Variants in RERE observed in about 807,000 individuals in gnomAD.
RERE encodes arginine-glutamic acid dipeptide repeats, also known as arginine-glutamic acid dipeptide repeats protein.
Under a neutral mutation model 146.1 loss-of-function variants are expected in RERE, and 40 were observed. The ratio of observed to expected loss-of-function variants is 0.27; its 90% CI spans 0.21 to 0.36. The LOEUF (loss-of-function observed/expected upper bound fraction) is 0.36, where lower values mean the gene tolerates loss of function less well. RERE is among the 10% of genes least tolerant of loss of function. The pLI, the probability that RERE is intolerant of heterozygous loss-of-function variation, is 1.00. For missense variants in RERE, 1,933 were observed against 2,138.7 expected, an observed-to-expected ratio of 0.90 and a Z score of 1.90; for synonymous variants, 1,003 against 866.0, an observed-to-expected ratio of 1.16 and a Z score of -2.78.
chr1:8,809,127 G>A (rs1284794606), intron 1 of RERE, among the ~76,000 whole-genome samples: 2 of 124,990 alleles, frequency 1.6e-5, no homozygotes, highest in Non-Finnish European at 3.1e-5. Flanking sequence ...GACAGAGCGA[G>A]ACTTTGTCTT....
chr1:8,654,637 TTTG>T (rs1557460557), intron 2 of RERE, among the ~76,000 whole-genome samples: 1 of 145,544 alleles, frequency 6.9e-6, no homozygotes, highest in African/African-American at 2.5e-5. Flanking sequence ...TTTGTTTTTT[TTTG>T]TTTTTTTTTT....
chr1:8,590,013 C>T (rs1183083419), intron 4 of RERE, among the ~76,000 whole-genome samples: 1 of 152,122 alleles, frequency 6.6e-6, no homozygotes, highest in Non-Finnish European at 1.5e-5. Context: ...TTTTGCCCTG[C>T]TGTTTAGTGC....
At chr1:8,357,334 G>A (rs1641334298) in intron 20 of RERE, among the ~76,000 whole-genome samples, 1 of 152,240 alleles carries the variant, frequency 6.6e-6, no homozygotes, top group Non-Finnish European at 1.5e-5. Context: ...CTTCAGATAT[G>A]AGGACGGCAA....
intron 1 of RERE, among the ~76,000 whole-genome samples, chr1:8,727,162 G>C (rs926276033): frequency 3.4e-5 from 5 of 148,630 alleles, no homozygotes; most frequent in Non-Finnish European, 7.5e-5. Flanking sequence ...GGGGTGGGGG[G>C]AAAGGAGTCT....
intron 4 of RERE, among the ~76,000 whole-genome samples, chr1:8,603,570 A>G (rs1646660060): frequency 6.6e-6 from 1 of 152,354 alleles, no homozygotes; most frequent in Admixed American, 6.5e-5. Flanking sequence ...TTGGTTTGAA[A>G]TTAATTTATA....
At chr1:8,697,624 C>T (rs947602843) in intron 1 of RERE, among the ~76,000 whole-genome samples, 5 of 152,278 alleles carry the variant, frequency 3.3e-5, no homozygotes, top group South Asian at 4.1e-4. Context: ...CTCCTGACCT[C>T]GTGATCCGCC....
intron 3 of RERE, among the ~76,000 whole-genome samples, chr1:8,620,514 T>C (rs574332496): frequency 1.3e-5 from 2 of 152,300 alleles, no homozygotes; most frequent in Admixed American, 1.3e-4. Flanking sequence ...TATTCACCTT[T>C]CCCCTCTACT....
At chr1:8,517,003 T>C (rs1645428595) in intron 7 of RERE, among the ~76,000 whole-genome samples, 1 of 152,142 alleles carries the variant, frequency 6.6e-6, no homozygotes, top group East Asian at 1.9e-4. Context: ...TAGTGATGGA[T>C]AGCTCTGTCT....
intron 7 of RERE, among the ~76,000 whole-genome samples, chr1:8,517,622 G>A (rs1645437368): frequency 1.3e-5 from 2 of 151,998 alleles, no homozygotes; most frequent in Non-Finnish European, 2.9e-5. Flanking sequence ...AATAGTTCCA[G>A]AAGCCAAATT....
At position 8,805,013 on chromosome 1, in the gene RERE, T is replaced by TG. The variant is rs1557553430; in HGVS notation, c.-145+12146_-145+12147insC. 5.4e-3 allele frequency among the ~76,000 whole-genome samples: 755 copies of TG among 140,036 alleles called. 11 individuals carry two copies. Among genetic ancestry groups the TG allele is most frequent in the African/African-American group, 0.02 (731 of 37,472 alleles). The allele number at this position is 140,036 out of a possible 152,430, so 91.9% of individuals were successfully genotyped here. A position where few individuals can be genotyped will look rare whatever the true frequency, so the allele number is the denominator to read the frequency against. ...TTTGTTTTGTTTTGTTTTTGGTTTT[T>TG]TTTTTTTTTTTTTTTGAGACAGAGT... On this transcript the variant is annotated intron_variant, in intron 1 of 22. Coordinates refer to ENST00000400908, the MANE Select transcript of RERE (RefSeq NM_001042681.2).
chr1:8,712,513 T>C (rs897028562), intron 1 of RERE, among the ~76,000 whole-genome samples: 1 of 152,220 alleles, frequency 6.6e-6, no homozygotes, highest in Non-Finnish European at 1.5e-5. Context: ...GTAAAGCATG[T>C]TCATTCTCTT....
intron 12 of RERE, among the ~76,000 whole-genome samples, chr1:8,399,300 G>A (rs1210734340): frequency 1.3e-5 from 2 of 151,762 alleles, no homozygotes; most frequent in Non-Finnish European, 2.9e-5. Flanking sequence ...CCCTACTCAG[G>A]GAACATTAAA....
At chr1:8,455,470 A>C (rs1644443436) in intron 11 of RERE, among the ~76,000 whole-genome samples, 1 of 152,162 alleles carries the variant, frequency 6.6e-6, no homozygotes, top group African/African-American at 2.4e-5. Context: ...ATCAGTACAC[A>C]TCAGGTGATG....
intron 12 of RERE, among the ~76,000 whole-genome samples, chr1:8,367,746 A>ATGC (rs1371726145): frequency 6.6e-6 from 1 of 152,210 alleles, no homozygotes; most frequent in African/African-American, 2.4e-5. Context: ...TAGTCTAGGA[A>ATGC]TGCGAGCTAC....
chr1:8,616,093 G>A (rs1473405469), intron 3 of RERE, among the ~76,000 whole-genome samples: 1 of 152,122 alleles, frequency 6.6e-6, no homozygotes, highest in Non-Finnish European at 1.5e-5. Context: ...AATATTTTTT[G>A]CCAGAAGCAT....
At chr1:8,625,825 T>G (rs1005967118) in intron 2 of RERE, among the ~76,000 whole-genome samples, 4 of 152,132 alleles carry the variant, frequency 2.6e-5, no homozygotes, top group African/African-American at 9.7e-5. Flanking sequence ...ATGAGTACAT[T>G]CCAAGAAACT....
chr1:8,747,107 T>A (rs1048214519), intron 1 of RERE, among the ~76,000 whole-genome samples: 2 of 152,142 alleles, frequency 1.3e-5, no homozygotes, highest in South Asian at 4.2e-4. Flanking sequence ...GTCCACGCCA[T>A]TCTCCTGCCT....
At chr1:8,557,237 G>C (rs1646018651) in intron 5 of RERE, among the ~76,000 whole-genome samples, 181 bp downstream of exon 5, 1 of 152,150 alleles carries the variant, frequency 6.6e-6, no homozygotes, top group Admixed American at 6.6e-5. Flanking sequence ...TCTGGAACTA[G>C]AGAGGGACAG....
At chr1:8,393,871 T>C (rs1642965861) in intron 12 of RERE, among the ~76,000 whole-genome samples, 1 of 152,192 alleles carries the variant, frequency 6.6e-6, no homozygotes, top group African/African-American at 2.4e-5. Flanking sequence ...AAAATACCTT[T>C]TAAAACTTCC....
Sources: gnomAD v4.1 joint callset for allele counts (sites outside exome capture counted in the v4.1 genomes callset) on GRCh38, gnomAD v4.1.1 for gene constraint, MANE v1.5 for transcripts, NCBI Gene and HGNC (gene_info 2026-07-23, HGNC 2026-07-21) for gene names.